The following IGSF21 variants were observed in gnomAD, a reference collection of about 807,000 sequenced individuals.
IGSF21 encodes immunoglobin superfamily member 21, also known as immunoglobulin superfamily member 21.
A neutral mutation model predicts 46.8 loss-of-function variants in IGSF21; 28 were observed. The observed-to-expected ratio is 0.60, with a 90% CI of 0.44 to 0.82. The LOEUF (loss-of-function observed/expected upper bound fraction) is 0.82, where lower values mean the gene tolerates loss of function less well. IGSF21 is among the 40% of genes least tolerant of loss of function. The pLI, the probability that IGSF21 is intolerant of heterozygous loss-of-function variation, is 0.00. For synonymous variants in IGSF21, 284 were observed against 273.6 expected, an observed-to-expected ratio of 1.04 and a Z score of -0.38; for missense variants, 624 against 665.5, an observed-to-expected ratio of 0.94 and a Z score of 0.69.
At chr1:18,320,347 C>T (rs1203665153) in intron 3 of IGSF21, among the ~76,000 whole-genome samples, 2 of 151,662 alleles carry the variant, frequency 1.3e-5, no homozygotes, top group Non-Finnish European at 2.9e-5. Context: ...GACAGTCAAA[C>T]ATAATTGGCC....
intron 1 of IGSF21, among the ~76,000 whole-genome samples, chr1:18,156,221 G>T (rs922171504): frequency 6.6e-6 from 1 of 152,154 alleles, no homozygotes; most frequent in African/African-American, 2.4e-5. Context: ...GTCTGGGCTG[G>T]CATGGAATTC....
intron 1 of IGSF21, among the ~76,000 whole-genome samples, chr1:18,209,325 A>T (rs2084365746): frequency 6.6e-6 from 1 of 152,204 alleles, no homozygotes; most frequent in Admixed American, 6.5e-5. Context: ...ATAGTTAGGA[A>T]GTAACATAAC....
chr1:18,126,868 C>A (rs954906892), intron 1 of IGSF21, among the ~76,000 whole-genome samples: 1 of 152,064 alleles, frequency 6.6e-6, no homozygotes, highest in African/African-American at 2.4e-5. Flanking sequence ...CCAGGAACAG[C>A]CAGGGTGTCA....
intron 4 of IGSF21, among the ~76,000 whole-genome samples, chr1:18,349,719 A>G (rs536499085): frequency 1.3e-5 from 2 of 152,272 alleles, no homozygotes; most frequent in East Asian, 3.9e-4. Flanking sequence ...CGTAGTGCTC[A>G]CAAGATCCCT....
intron 1 of IGSF21, among the ~76,000 whole-genome samples, chr1:18,120,985 C>T (rs1408197119): frequency 6.6e-6 from 1 of 152,164 alleles, no homozygotes; most frequent in African/African-American, 2.4e-5. Context: ...TATTTTCCAC[C>T]CTATTTCACA....
chr1:18,289,763 C>T (rs2085248849), intron 2 of IGSF21, among the ~76,000 whole-genome samples: 1 of 152,194 alleles, frequency 6.6e-6, no homozygotes, highest in Admixed American at 6.5e-5. Flanking sequence ...ACCTCTCCTC[C>T]CCAGTTGTGA....
chr1:18,108,237 C>A, intron 1 of IGSF21, 39 bp downstream of exon 1: 1 of 1,323,554 alleles, frequency 7.6e-7, no homozygotes, highest in Non-Finnish European at 9.6e-7. Flanking sequence ...GAGCGGTGAA[C>A]GTGCGCGGGG....
intron 3 of IGSF21, among the ~76,000 whole-genome samples, chr1:18,312,537 G>T (rs1252491049): frequency 3.3e-5 from 5 of 152,152 alleles, no homozygotes; most frequent in East Asian, 1.9e-4. Context: ...AGGCTCAGGG[G>T]ACAGTCTGCT....
intron 1 of IGSF21, among the ~76,000 whole-genome samples, chr1:18,218,727 A>G (rs1444286503): frequency 6.6e-6 from 1 of 152,224 alleles, no homozygotes; most frequent in Non-Finnish European, 1.5e-5. Context: ...CTCAACTCAC[A>G]TGGGGAAAGA....
chr1:18,274,691 A>C (rs2085082593), intron 2 of IGSF21, among the ~76,000 whole-genome samples: 1 of 152,234 alleles, frequency 6.6e-6, no homozygotes, highest in South Asian at 2.1e-4. Flanking sequence ...AGTCAGGCCA[A>C]GGAAAGGCCC....
chr1:18,344,003 G>A (rs1200289282), intron 4 of IGSF21, among the ~76,000 whole-genome samples: 1 of 152,142 alleles, frequency 6.6e-6, no homozygotes, highest in Non-Finnish European at 1.5e-5. Flanking sequence ...AAGGTCCTGG[G>A]GGTAATGAAG....
intron 1 of IGSF21, among the ~76,000 whole-genome samples, chr1:18,194,000 G>T (rs1354018147): frequency 6.6e-6 from 1 of 152,198 alleles, no homozygotes; most frequent in Admixed American, 6.5e-5. Context: ...TAAGCCCTGT[G>T]ACCTGGAGAT....
At chr1:18,241,734 G>C (rs2084730423) in intron 2 of IGSF21, among the ~76,000 whole-genome samples, 1 of 152,132 alleles carries the variant, frequency 6.6e-6, no homozygotes, top group Non-Finnish European at 1.5e-5. Context: ...GTGCGTTCAG[G>C]TCAGGTGCTG....
intron 1 of IGSF21, among the ~76,000 whole-genome samples, chr1:18,163,047 C>A (rs972634190): frequency 2.0e-5 from 3 of 151,958 alleles, no homozygotes; most frequent in Non-Finnish European, 4.4e-5. Context: ...TTAAATTAAT[C>A]CCCAGTCATT....
intron 1 of IGSF21, among the ~76,000 whole-genome samples, chr1:18,171,212 C>T (rs574145197): frequency 6.6e-6 from 1 of 152,112 alleles, no homozygotes; most frequent in South Asian, 2.1e-4. Flanking sequence ...AGAATTGAGC[C>T]ATGATTAAAA....
At chr1:18,208,945 A>C (rs114200813) in intron 1 of IGSF21, among the ~76,000 whole-genome samples, 200 of 152,272 alleles carry the variant, frequency 1.3e-3, no homozygotes, top group African/African-American at 4.6e-3. Context: ...GATTCCAGGT[A>C]TGTGGGCTCA....
chr1:18,132,106 T>C (rs1050742651), intron 1 of IGSF21, among the ~76,000 whole-genome samples: 1 of 152,248 alleles, frequency 6.6e-6, no homozygotes, highest in Non-Finnish European at 1.5e-5. Context: ...CTTATTAATT[T>C]CTGTAACCCT....
chr1:18,338,836 C>T lies in IGSF21; in HGVS notation c.424+3826C>T, dbSNP rs116326504. On this transcript the variant is annotated intron_variant, in intron 4 of 9. Transcript: ENST00000251296. ...CAATTTGAAAGTTGCGTGCTGGGCC[C>T]CAGGAACGCATTATACACAGTCATG... 8.7e-3 allele frequency among the ~76,000 whole-genome samples: 1,320 copies of T among 151,592 alleles called. 23 individuals are homozygous for T. Among genetic ancestry groups the T allele is most frequent in the African/African-American group, 0.031 (1,279 of 41,234 alleles).
At chr1:18,376,514 T>TG in intron 7 of IGSF21, 119 bp downstream of exon 7, 2 of 820,748 alleles carry the variant, frequency 2.4e-6, no homozygotes, top group South Asian at 2.8e-5. Context: ...CCACATCCAG[T>TG]GGGTTTCAGT....
Sources: gnomAD v4.1 joint callset for allele counts (sites outside exome capture counted in the v4.1 genomes callset) on GRCh38, gnomAD v4.1.1 for gene constraint, MANE v1.5 for transcripts, NCBI Gene and HGNC (gene_info 2026-07-23, HGNC 2026-07-21) for gene names.